The following ACBD6 variants were observed in gnomAD, a reference collection of about 807,000 sequenced individuals.
ACBD6 encodes acyl-CoA binding domain containing 6, also known as acyl-CoA-binding domain-containing protein 6.
A neutral mutation model predicts 37.2 loss-of-function variants in ACBD6; 28 were observed. The observed-to-expected ratio is 0.75, with a 90% confidence interval of 0.56 to 1.03. The LOEUF is 1.03. Ranked by LOEUF, ACBD6 falls within the 50% of genes least tolerant of loss-of-function variation. ACBD6 has a pLI of 0.00. For synonymous variants in ACBD6, 113 were observed against 126.8 expected (o/e 0.89, Z 0.73); for missense variants, 340 against 337.4 (o/e 1.01, Z -0.06).
At chr1:180,315,867 G>T (rs892995523) in intron 6 of ACBD6, among the ~76,000 whole-genome samples, 5 of 152,126 alleles carry the variant, frequency 3.3e-5, no homozygotes, top group African/African-American at 1.2e-4. Context: ...AGATATGAAA[G>T]AAGTAATTTT....
intron 6 of ACBD6, among the ~76,000 whole-genome samples, chr1:180,383,315 T>C (rs1316059000): frequency 4.6e-5 from 7 of 152,142 alleles, no homozygotes; most frequent in Admixed American, 2.0e-4. Context: ...CAAAAATCTC[T>C]TAGATCTAAT....
At chr1:180,282,261 C>T (rs1327826117) in intron 8 of ACBD6, among the ~76,000 whole-genome samples, 2 of 152,106 alleles carry the variant, frequency 1.3e-5, no homozygotes, top group Admixed American at 6.5e-5. Flanking sequence ...CTCTTGCTTG[C>T]CAACCCTGGA....
chr1:180,333,170 A>C (rs960511368), intron 6 of ACBD6, among the ~76,000 whole-genome samples: 1 of 152,216 alleles, frequency 6.6e-6, no homozygotes, highest in South Asian at 2.1e-4. Flanking sequence ...AACATGTTAC[A>C]TGTTTTACAC....
intron 7 of ACBD6, among the ~76,000 whole-genome samples, chr1:180,301,585 G>C (rs781659383): frequency 2.6e-5 from 4 of 152,020 alleles, no homozygotes; most frequent in Non-Finnish European, 5.9e-5. Flanking sequence ...CTCAAGTTAT[G>C]GTACATATCA....
intron 6 of ACBD6, among the ~76,000 whole-genome samples, chr1:180,354,554 T>TA (rs1470472209): frequency 1.3e-5 from 2 of 151,898 alleles, no homozygotes; most frequent in African/African-American, 4.8e-5. Context: ...CTGGGTCTCC[T>TA]AAAAAAAAGT....
intron 6 of ACBD6, among the ~76,000 whole-genome samples, chr1:180,317,856 AT>A (rs112533073): frequency 0.045 from 6,823 of 152,142 alleles, 500 homozygotes; most frequent in African/African-American, 0.15. Flanking sequence ...TCTCTTCCCA[AT>A]TTTGTGACTG....
chr1:180,419,298 T>C (rs1648249309), intron 4 of ACBD6, among the ~76,000 whole-genome samples: 1 of 152,240 alleles, frequency 6.6e-6, no homozygotes, highest in Non-Finnish European at 1.5e-5. Flanking sequence ...AAATAGACAT[T>C]TGGAAACTAT....
At chr1:180,414,157 A>T (rs1387994087) in intron 4 of ACBD6, among the ~76,000 whole-genome samples, 2 of 152,342 alleles carry the variant, frequency 1.3e-5, no homozygotes, top group East Asian at 3.9e-4. Context: ...TTTATAACGC[A>T]TGTGCATTTT....
chr1:180,286,377 G>A (rs750354747), downstream of ACBD6, among the ~76,000 whole-genome samples: 12 of 152,088 alleles, frequency 7.9e-5, no homozygotes, highest in East Asian at 5.8e-4. Flanking sequence ...TATCAAGTTC[G>A]AACTGCTAAA....
intron 1 of ACBD6, among the ~76,000 whole-genome samples, chr1:180,499,215 T>C (rs1651857236): frequency 6.6e-6 from 1 of 152,244 alleles, no homozygotes; most frequent in Non-Finnish European, 1.5e-5. Context: ...TTTATAAATT[T>C]TGATCCAATA....
chr1:180,381,497 A>C (rs1653646114), intron 6 of ACBD6, among the ~76,000 whole-genome samples: 1 of 152,206 alleles, frequency 6.6e-6, no homozygotes, highest in African/African-American at 2.4e-5. Context: ...ATTTTAAAAA[A>C]CTGAAATCAT....
intron 6 of ACBD6, among the ~76,000 whole-genome samples, chr1:180,382,132 A>C (rs1653680696): frequency 6.6e-6 from 1 of 151,272 alleles, no homozygotes; most frequent in Non-Finnish European, 1.5e-5. Context: ...AAAAAAAAGA[A>C]AAGAAAAGGA....
intron 4 of ACBD6, among the ~76,000 whole-genome samples, chr1:180,413,823 G>A (rs1426534519): frequency 6.6e-6 from 1 of 152,050 alleles, no homozygotes; most frequent in African/African-American, 2.4e-5. Context: ...AGACTAGAAA[G>A]AAAAGCTGGG....
downstream of ACBD6, among the ~76,000 whole-genome samples, chr1:180,283,453 C>T (rs1407227617): frequency 6.6e-6 from 1 of 152,146 alleles, no homozygotes; most frequent in Non-Finnish European, 1.5e-5. Flanking sequence ...GGCAGCTCCT[C>T]CCCTGGTTTT....
chr1:180,482,582 C>T (rs2102072519), intron 3 of ACBD6, among the ~76,000 whole-genome samples: 2 of 151,336 alleles, frequency 1.3e-5, no homozygotes, highest in South Asian at 4.2e-4. Flanking sequence ...CTAGAAATTC[C>T]CGAGAATAAA....
At chr1:180,316,203 A>C (rs1163037980) in intron 6 of ACBD6, among the ~76,000 whole-genome samples, 2 of 152,054 alleles carry the variant, frequency 1.3e-5, no homozygotes, top group African/African-American at 4.8e-5. Flanking sequence ...GCTCAAGAGA[A>C]TGTTGTCTTG....
At chr1:180,428,855 C>T (rs964282483) in intron 4 of ACBD6, among the ~76,000 whole-genome samples, 1 of 152,076 alleles carries the variant, frequency 6.6e-6, no homozygotes, top group African/African-American at 2.4e-5. Context: ...ATAGCCTATA[C>T]ATTTTTTATT....
chr1:180,481,146 T>C (rs1335688809), intron 3 of ACBD6, among the ~76,000 whole-genome samples: 1 of 152,142 alleles, frequency 6.6e-6, no homozygotes, highest in Admixed American at 6.5e-5. Context: ...GGGCATGCAC[T>C]TCACTGCAAA....
intron 3 of ACBD6, among the ~76,000 whole-genome samples, chr1:180,468,922 A>G (rs1163470899): frequency 1.3e-5 from 2 of 152,210 alleles, no homozygotes; most frequent in East Asian, 1.9e-4. Context: ...CCAGTTTTCC[A>G]TATGTCCTCA....
Sources: gnomAD v4.1 joint callset for allele counts (sites outside exome capture counted in the v4.1 genomes callset) on GRCh38, gnomAD v4.1.1 for gene constraint, MANE v1.5 for transcripts, NCBI Gene and HGNC (gene_info 2026-07-23, HGNC 2026-07-21) for gene names.